GAD1: variants seen among roughly 807,000 people sequenced by gnomAD.
The protein encoded by GAD1 is 67 kDa glutamic acid decarboxylase.
Under a neutral mutation model 75.2 loss-of-function variants are expected in GAD1, and 35 were observed. The ratio of observed to expected loss-of-function variants is 0.47; its 90% confidence interval spans 0.36 to 0.62. The LOEUF is 0.62. GAD1 is among the 20% of genes least tolerant of loss of function. The pLI, the probability that GAD1 is intolerant of heterozygous loss-of-function variation, is 0.00. For synonymous variants in GAD1, 257 were observed against 271.9 expected (o/e 0.95, Z 0.54); for missense variants, 490 against 758.5 (o/e 0.65, Z 4.16).
chr2:170,822,282 A>G, intron 3 of GAD1, 133 bp downstream of exon 3: 1 of 784,834 alleles, frequency 1.3e-6, no homozygotes, highest in Non-Finnish European at 2.1e-6. Flanking sequence ...TACAGCCAGG[A>G]CAGCCAGCGA....
intron 15 of GAD1, 28 bp downstream of exon 15, chr2:170,857,153 C>T (rs1321064331): frequency 3.9e-6 from 6 of 1,557,748 alleles, no homozygotes; most frequent in East Asian, 2.2e-5. Context: ...ACCAGGTACA[C>T]AGTATTTCCA....
At chr2:170,852,825 C>G in intron 13 of GAD1, 33 bp downstream of exon 13, 1 of 1,586,578 alleles carries the variant, frequency 6.3e-7, no homozygotes, top group African/African-American at 1.3e-5. Context: ...CACTGGGGCC[C>G]GTACGTTCTT....
Position 170,818,633 on chromosome 2 carries a change from C to T in GAD1, c.42C>T (p.Asn14=). 3.1e-6 allele frequency: 5 copies of T among 1,614,160 alleles called. No individual in the cohort carries two copies. The highest frequency in any genetic ancestry group is 2.5e-6 in the Non-Finnish European group (3 of 1,180,022). ...CATCTTCGTCCGCAACCTCCTCGAA[C>T]GCGGGAGCGGACCCCAATACCACTA... ...STPSSSATSS[N]AGADPNTTNL... The change falls in exon 2 of 17, where the codon AAC becomes AAT. Residue 14 remains asparagine, a synonymous_variant. Coordinates refer to ENST00000358196, the MANE Select transcript of GAD1 (RefSeq NM_000817.3). This position sits in a 1 kb window ranked among gnomAD's most constrained non-coding sequence, Gnocchi z 5.9.
intron 5 of GAD1, among the ~76,000 whole-genome samples, chr2:170,832,660 G>T (rs908967939): frequency 1.3e-5 from 1 of 79,416 alleles, no homozygotes; most frequent in Non-Finnish European, 2.9e-5. Flanking sequence ...ATGCGCGCGC[G>T]CGCGCACACA....
chr2:170,838,578 C>T (rs935787573), intron 6 of GAD1, among the ~76,000 whole-genome samples: 106 of 152,170 alleles, frequency 7.0e-4, no homozygotes, highest in African/African-American at 2.5e-3. Context: ...ATTTACTCAG[C>T]ACCTTTAAGT....
At chr2:170,836,133 A>G (rs1198787763) in intron 5 of GAD1, among the ~76,000 whole-genome samples, 3 of 151,890 alleles carry the variant, frequency 2.0e-5, no homozygotes, top group South Asian at 2.1e-4. Context: ...TTCAGAAGCA[A>G]AGGCAATTTC....
chr2:170,854,652 A>G (rs545484315), intron 14 of GAD1, among the ~76,000 whole-genome samples: 3 of 152,170 alleles, frequency 2.0e-5, no homozygotes, highest in Non-Finnish European at 4.4e-5. Flanking sequence ...TGATCCGCCC[A>G]CCTCGGCCTC....
chr2:170,830,405 G>A (rs1702190434), intron 4 of GAD1, among the ~76,000 whole-genome samples: 2 of 152,228 alleles, frequency 1.3e-5, no homozygotes, highest in Admixed American at 1.3e-4. Flanking sequence ...CCAAAAGGGT[G>A]GGGTCAAGAA....
intron 6 of GAD1, among the ~76,000 whole-genome samples, chr2:170,838,304 C>A (rs1277073992): frequency 6.6e-6 from 1 of 152,116 alleles, no homozygotes; most frequent in Non-Finnish European, 1.5e-5. Context: ...GGAATTTGAA[C>A]AAAAAGCTCC....
chr2:170,817,971 T>C (rs1429179717), intron 1 of GAD1: 1 of 154,058 alleles, frequency 6.5e-6, no homozygotes, highest in Non-Finnish European at 1.4e-5. Flanking sequence ...CCTCTCACCT[T>C]GTCTCACCAA....
At chr2:170,822,203 TG>T (rs1366283590) in intron 3 of GAD1, 54 bp downstream of exon 3, 33 of 1,465,154 alleles carry the variant, frequency 2.3e-5, no homozygotes, top group Non-Finnish European at 3.1e-5. Context: ...GGCGGACCTT[TG>T]GGGCTTGGGA....
chr2:170,859,029 G>A (rs1012448417), intron 16 of GAD1, 136 bp downstream of exon 16: 3 of 772,336 alleles, frequency 3.9e-6, no homozygotes, highest in Admixed American at 2.0e-5. Flanking sequence ...GTAATGGGGT[G>A]GTGGGGAGCC....
intron 10 of GAD1, among the ~76,000 whole-genome samples, chr2:170,846,476 T>C (rs1385456695): frequency 2.0e-5 from 3 of 152,254 alleles, no homozygotes; most frequent in Admixed American, 2.0e-4. Flanking sequence ...AGATGGCCCA[T>C]GGTACTTGGC....
At chr2:170,813,727 A>C (rs953970564), upstream of GAD1, among the ~76,000 whole-genome samples, 6 of 152,304 alleles carry the variant, frequency 3.9e-5, no homozygotes, top group African/African-American at 1.4e-4. Flanking sequence ...GAATATCTTT[A>C]AACAATCCCC....
intron 14 of GAD1, among the ~76,000 whole-genome samples, chr2:170,856,510 G>A (rs1401221918): frequency 6.6e-6 from 1 of 152,198 alleles, no homozygotes; most frequent in Non-Finnish European, 1.5e-5. Context: ...ATTTGTTGTT[G>A]TTGTTGTTGT....
At chr2:170,852,473 A>G (rs369927990) in intron 12 of GAD1, 2 of 553,600 alleles carry the variant, frequency 3.6e-6, no homozygotes, top group South Asian at 2.0e-5. Context: ...ACAATAAGAC[A>G]TATAATAAGT....
In GAD1 at chr2:170,859,894, A is replaced by G. The variant is rs1702925434; in HGVS notation, c.*12A>G. ...GCCAGGATCTGTAATCATCCTTCGC[A>G]GAACATGAGTTTATGGGAATGCCTT... On this transcript the variant is annotated 3_prime_UTR_variant, in exon 17 of 17. Coordinates refer to ENST00000358196, the MANE Select transcript of GAD1 (RefSeq NM_000817.3). The G allele has an allele frequency of 6.2e-7, 1 of 1,613,424 alleles. No homozygotes were observed. Among genetic ancestry groups the G allele is most frequent in the Non-Finnish European group, 8.5e-7 (1 of 1,179,618 alleles).
intron 14 of GAD1, among the ~76,000 whole-genome samples, chr2:170,854,549 C>T (rs535080152): frequency 4.6e-5 from 7 of 152,080 alleles, no homozygotes; most frequent in Non-Finnish European, 1.0e-4. Flanking sequence ...TACAGGGGCC[C>T]GCCACTACGC....
chr2:170,832,662 GCGCACACACACACACACACA>G (rs1253231145), intron 5 of GAD1, among the ~76,000 whole-genome samples: 1 of 128,458 alleles, frequency 7.8e-6, no homozygotes, highest in East Asian at 2.1e-4. Context: ...GCGCGCGCGC[GCGCACACACACACACACACA>G]CACACACACA....
Sources: allele counts gnomAD v4.1 joint callset (sites outside exome capture counted in the v4.1 genomes callset), GRCh38; gene constraint gnomAD v4.1.1; non-coding constraint Gnocchi (gnomAD v3.1); transcripts MANE v1.5; gene names NCBI Gene and HGNC (gene_info 2026-07-23, HGNC 2026-07-21).